CLEC5A: variants seen among roughly 807,000 people sequenced by gnomAD.
CLEC5A encodes C-type lectin domain containing 5A, also known as C-type lectin domain family 5 member A.
In CLEC5A, 15 loss-of-function variants were observed where a neutral mutation model predicts 24.4. The ratio of observed to expected loss-of-function variants is 0.62; its 90% CI spans 0.41 to 0.95. The LOEUF is 0.95. CLEC5A is among the 40% of genes least tolerant of loss of function. The pLI is 0.00. For synonymous variants in CLEC5A, 71 were observed against 72.6 expected (o/e 0.98, Z 0.11); for missense variants, 211 against 224.0 (o/e 0.94, Z 0.37).
chr7:141,930,640 T>C (rs1164818946), intron 6 of CLEC5A, among the ~76,000 whole-genome samples: 3 of 152,176 alleles, frequency 2.0e-5, no homozygotes, highest in Non-Finnish European at 4.4e-5. Flanking sequence ...TTCCAGACCA[T>C]AGTGGCCTCA....
chr7:141,946,346 C>A lies in CLEC5A; in HGVS notation c.-20-34G>T, dbSNP rs112071384. The A allele has an allele frequency of 8.4e-6, 13 of 1,540,418 alleles. No individual in the cohort carries two copies. The South Asian group carries it at 1.1e-4, about 13-fold the overall frequency. On this transcript the variant is annotated intron_variant, in intron 1 of 6. Coordinates refer to ENST00000546910, the MANE Select transcript of CLEC5A (RefSeq NM_013252.3). Reference sequence around the variant, plus strand: ...ATTAGAGCACAGCAGCATCAGAATTCGGGTACAAGGCTGCTTTTCACTAGG... The same window carrying A: ...ATTAGAGCACAGCAGCATCAGAATTAGGGTACAAGGCTGCTTTTCACTAGG...
intron 5 of CLEC5A, among the ~76,000 whole-genome samples, chr7:141,935,394 T>G (rs539359371): frequency 6.6e-6 from 1 of 152,306 alleles, no homozygotes; most frequent in South Asian, 2.1e-4. Flanking sequence ...CACTACTAAT[T>G]TTGTCAGTTC....
chr7:141,942,770 C>A (rs1008560601), intron 4 of CLEC5A, among the ~76,000 whole-genome samples: 2 of 152,042 alleles, frequency 1.3e-5, no homozygotes, highest in African/African-American at 4.8e-5. Context: ...GGCAAAAGAT[C>A]TGAATAGACA....
intron 5 of CLEC5A, among the ~76,000 whole-genome samples, chr7:141,933,559 G>A (rs966183709): frequency 7.2e-6 from 1 of 138,058 alleles, no homozygotes; most frequent in East Asian, 2.1e-4. Flanking sequence ...GTGACTCAGC[G>A]AGTTTAGGGA....
intron 4 of CLEC5A, among the ~76,000 whole-genome samples, chr7:141,940,198 C>T (rs930597539): frequency 1.5e-4 from 23 of 152,086 alleles, no homozygotes; most frequent in African/African-American, 5.3e-4. Flanking sequence ...ACAAAACAAG[C>T]CTTAAAACAT....
intron 4 of CLEC5A, among the ~76,000 whole-genome samples, chr7:141,938,370 A>G (rs1802691124): frequency 6.6e-6 from 1 of 152,192 alleles, no homozygotes; most frequent in African/African-American, 2.4e-5. Flanking sequence ...AAAAAATGAA[A>G]TTCACATACT....
At chr7:141,944,948 C>G (rs1003657444) in intron 3 of CLEC5A, among the ~76,000 whole-genome samples, 1 of 152,078 alleles carries the variant, frequency 6.6e-6, no homozygotes, top group Non-Finnish European at 1.5e-5. Flanking sequence ...TTTCTCCTAA[C>G]GATGTCAGTA....
chr7:141,945,456 GACAA>G lies in CLEC5A; in HGVS notation c.80-60_80-57del, dbSNP rs1235561806. On this transcript the variant is annotated intron_variant, in intron 2 of 6. Transcript: ENST00000546910. ...CCAAATGTGACTGCATGATGAATAT[GACAA>G]ACAAGTATCAGCACAGGGGCTGCTA... 8 of 1,223,624 alleles carry G rather than the reference GACAA, an allele frequency of 6.5e-6. 1 individual carries two copies. The highest frequency in any genetic ancestry group is 2.4e-5 in the South Asian group (2 of 83,058). 75.8% of individuals were successfully genotyped at this position (1,223,624 alleles called of 1,614,324 possible).
At chr7:141,933,807 G>C (rs568211806) in intron 5 of CLEC5A, among the ~76,000 whole-genome samples, 1 of 151,990 alleles carries the variant, frequency 6.6e-6, no homozygotes, top group African/African-American at 2.4e-5. Context: ...GACTGATAGA[G>C]GGCAGCCAGG....
rs782241374 is a variant in CLEC5A, at chr7:141,946,337, A to G, written c.-20-25T>C. Reference sequence around the variant, plus strand: ...CCTGTGAAGATTAGAGCACAGCAGCATCAGAATTCGGGTACAAGGCTGCTT... The same window carrying G: ...CCTGTGAAGATTAGAGCACAGCAGCGTCAGAATTCGGGTACAAGGCTGCTT... On this transcript the variant is annotated intron_variant, in intron 1 of 6. Coordinates refer to ENST00000546910, the MANE Select transcript of CLEC5A (RefSeq NM_013252.3). 6 of 1,546,482 alleles carry G rather than the reference A, an allele frequency of 3.9e-6. No homozygotes were observed. The East Asian group carries it at 7.3e-5, about 19-fold the overall frequency.
At position 141,946,817 on chromosome 7, in the gene CLEC5A, C is replaced by G. The variant is rs1012519658; in HGVS notation, c.-31G>C. 1.3e-5 allele frequency: 2 copies of G among 152,832 alleles called. No individual in the cohort carries two copies. Among genetic ancestry groups the G allele is most frequent in the African/African-American group, 4.8e-5 (2 of 41,574 alleles). The allele number at this position is 152,832 out of a possible 1,614,324, so 9.5% of individuals were successfully genotyped here. On this transcript the variant is annotated 5_prime_UTR_variant, in exon 1 of 7. Coordinates refer to ENST00000546910, the MANE Select transcript of CLEC5A (RefSeq NM_013252.3). ...GACAGACAGACTCACCTCTTTCTCC[C>G]TGGAAGGCTAGGCTTGCTTGCAGAT... is the stretch of plus-strand genomic sequence containing the variant.
chr7:141,937,663 C>T (rs1554441266), intron 4 of CLEC5A, among the ~76,000 whole-genome samples: 1 of 152,150 alleles, frequency 6.6e-6, no homozygotes, highest in Non-Finnish European at 1.5e-5. Flanking sequence ...TATAGAGCCC[C>T]AGGACATTGA....
At chr7:141,935,438 G>C (rs1478428116) in intron 5 of CLEC5A, among the ~76,000 whole-genome samples, 8 of 152,210 alleles carry the variant, frequency 5.3e-5, no homozygotes, top group African/African-American at 1.9e-4. Context: ...GACTGGGATG[G>C]TACATTGACA....
At chr7:141,944,280 T>A (rs937059486) in intron 3 of CLEC5A, among the ~76,000 whole-genome samples, 1 of 152,166 alleles carries the variant, frequency 6.6e-6, no homozygotes, top group Non-Finnish European at 1.5e-5. Context: ...ACTCTCACAC[T>A]CCTATCGTAT....
rs1802369119 is a variant in CLEC5A at position 141,928,799 on chromosome 7, G to A, written c.*1305C>T. 1 of 152,162 alleles carries A rather than the reference G, an allele frequency of 6.6e-6. No individual in the cohort carries two copies. Among genetic ancestry groups the A allele is most frequent in the Non-Finnish European group, 1.5e-5 (1 of 68,034 alleles). The allele number at this position is 152,162 out of a possible 1,614,324, so 9.4% of individuals were successfully genotyped here. On this transcript the variant is annotated 3_prime_UTR_variant, in exon 7 of 7. Coordinates refer to ENST00000546910, the MANE Select transcript of CLEC5A (RefSeq NM_013252.3). The stretch of plus-strand genomic sequence containing the variant: ...CTACATTGTTATTAGACACAAAATG[G>A]TATGTGCTGTACTTTGGTGACTATT...
Position 141,930,054 on chromosome 7 carries a change from A to G in CLEC5A, c.*50T>C. 1 of 1,421,768 alleles carries G rather than the reference A, an allele frequency of 7.0e-7. No individual in the cohort carries two copies. Among genetic ancestry groups the G allele is most frequent in the South Asian group, 1.2e-5 (1 of 85,674 alleles). The allele number at this position is 1,421,768 out of a possible 1,614,324, so 88.1% of individuals were successfully genotyped here. A position where few individuals can be genotyped will look rare whatever the true frequency, so the allele number is the denominator to read the frequency against. Reference sequence around the variant, plus strand: ...AAGAATCATTGGCCAGACGACCTGTATGGATTCAAAAAGAGTTGCAAGTAT... The same window carrying G: ...AAGAATCATTGGCCAGACGACCTGTGTGGATTCAAAAAGAGTTGCAAGTAT... On this transcript the variant is annotated 3_prime_UTR_variant, in exon 7 of 7. Coordinates refer to ENST00000546910, the MANE Select transcript of CLEC5A (RefSeq NM_013252.3).
At chr7:141,931,089 G>T (rs781959766) in intron 6 of CLEC5A, among the ~76,000 whole-genome samples, 1 of 152,018 alleles carries the variant, frequency 6.6e-6, no homozygotes, top group African/African-American at 2.4e-5. Flanking sequence ...ACAGCTCTTG[G>T]GGGTCAGAAG....
intron 4 of CLEC5A, among the ~76,000 whole-genome samples, chr7:141,940,623 A>T (rs1292967679): frequency 2.0e-5 from 3 of 151,896 alleles, no homozygotes; most frequent in Non-Finnish European, 4.4e-5. Context: ...AATACAAAAC[A>T]TCAATGCAAC....
intron 4 of CLEC5A, among the ~76,000 whole-genome samples, chr7:141,939,164 G>A (rs943737745): frequency 6.6e-6 from 1 of 152,060 alleles, no homozygotes; most frequent in Admixed American, 6.6e-5. Context: ...CTTATCTTAA[G>A]TAGAAAGACT....
Sources: allele counts gnomAD v4.1 joint callset (sites outside exome capture counted in the v4.1 genomes callset), GRCh38; gene constraint gnomAD v4.1.1; transcripts MANE v1.5; gene names NCBI Gene and HGNC (gene_info 2026-07-23, HGNC 2026-07-21).